The following ADNP2 variants were observed in gnomAD, a reference collection of about 807,000 sequenced individuals.
ADNP2 encodes ADNP homeobox 2, also known as activity-dependent neuroprotector homeobox protein 2.
A neutral mutation model predicts 16.4 loss-of-function variants in ADNP2; 8 were observed. The observed-to-expected ratio is 0.49, with a 90% CI of 0.29 to 0.88. The LOEUF (loss-of-function observed/expected upper bound fraction) is 0.88, where lower values mean the gene tolerates loss of function less well. ADNP2 is among the 40% of genes least tolerant of loss of function. The pLI, the probability that ADNP2 is intolerant of heterozygous loss-of-function variation, is 0.09. For missense variants in ADNP2, 1,397 were observed against 1,395.1 expected (o/e 1.00, Z -0.02); for synonymous variants, 637 against 545.8 (o/e 1.17, Z -2.33).
At chr18:80,116,628 G>A (rs866524111) in intron 1 of ADNP2, among the ~76,000 whole-genome samples, 26 of 151,960 alleles carry the variant, frequency 1.7e-4, no homozygotes, top group African/African-American at 6.3e-4. Context: ...GGCTAATGAT[G>A]TTGAGCATTT....
rs1190243028 is a variant in ADNP2, at chr18:80,136,503, C to T, written c.1090C>T (p.His364Tyr). The T allele has an allele frequency of 1.9e-6, 3 of 1,614,216 alleles. No individual in the cohort carries two copies. Among genetic ancestry groups the T allele is most frequent in the Non-Finnish European group, 2.5e-6 (3 of 1,180,038 alleles). ...CTTTCTTTCTCACGGGGTTCCACTT[C>T]ATCAGTCTGTGAATCCTCCTGTGTT... is the stretch of plus-strand genomic sequence containing the variant. ...PVFLSHGVPL[H>Y]QSVNPPVLPL... The change falls in exon 4 of 4, where the codon CAT (histidine) becomes TAT (tyrosine). Residue 364 changes from histidine (H) to tyrosine (Y), a missense_variant. His to Tyr is a moderately conservative substitution (Grantham distance 83). This residue lies in a region of ADNP2 where 777 missense variants were observed against 719.4 expected (regional missense o/e 1.08). Transcript: ENST00000262198.
chr18:80,124,305 C>T (rs1439565432), intron 2 of ADNP2, among the ~76,000 whole-genome samples: 2 of 152,206 alleles, frequency 1.3e-5, no homozygotes, highest in Non-Finnish European at 2.9e-5. Flanking sequence ...TTTATGGCAG[C>T]TCTAGCCCCA....
At chr18:80,132,252 T>C (rs1187965285) in intron 2 of ADNP2, among the ~76,000 whole-genome samples, 1 of 152,214 alleles carries the variant, frequency 6.6e-6, no homozygotes, top group Non-Finnish European at 1.5e-5. Context: ...GTCCTCTGTA[T>C]CCAGGGGTTC....
intron 1 of ADNP2, among the ~76,000 whole-genome samples, 155 bp from the exon 2 acceptor site, chr18:80,117,374 CA>C (rs1362476239): frequency 1.1e-4 from 16 of 152,280 alleles, no homozygotes; most frequent in African/African-American, 3.9e-4. Flanking sequence ...AGGAAGAGGT[CA>C]ACCTCATTCA....
At chr18:80,124,256 C>G (rs966448523) in intron 2 of ADNP2, among the ~76,000 whole-genome samples, 1 of 152,192 alleles carries the variant, frequency 6.6e-6, no homozygotes, top group East Asian at 1.9e-4. Flanking sequence ...ATCTGTCTCT[C>G]TCTCTGTCTC....
At chr18:80,135,479 G>C in intron 3 of ADNP2, 133 bp from the exon 4 acceptor site, 1 of 951,374 alleles carries the variant, frequency 1.1e-6, no homozygotes, top group East Asian at 2.6e-5. Context: ...GCCAACCCCT[G>C]GGTTAGAAAA....
At chr18:80,130,035 TTCCCAA>T (rs2052486158) in intron 2 of ADNP2, among the ~76,000 whole-genome samples, 1 of 152,238 alleles carries the variant, frequency 6.6e-6, no homozygotes, top group Non-Finnish European at 1.5e-5. Flanking sequence ...TAGTTAACCT[TTCCCAA>T]TGGTGATTCG....
chr18:80,129,230 T>C (rs963637989), intron 2 of ADNP2, among the ~76,000 whole-genome samples: 3 of 150,950 alleles, frequency 2.0e-5, no homozygotes, highest in African/African-American at 7.3e-5. Context: ...CAGCCTCCCA[T>C]GTAGCTGGGA....
chr18:80,134,038 C>T (rs1425217559), intron 3 of ADNP2, among the ~76,000 whole-genome samples: 2 of 151,938 alleles, frequency 1.3e-5, no homozygotes, highest in Non-Finnish European at 2.9e-5. Flanking sequence ...TTTGTTGAGA[C>T]CCATTTTTCA....
chr18:80,126,497 G>T (rs1177361940), intron 2 of ADNP2, among the ~76,000 whole-genome samples: 1 of 152,060 alleles, frequency 6.6e-6, no homozygotes, highest in African/African-American at 2.4e-5. Flanking sequence ...CTAAAAAAAA[G>T]TTGTCTTTTA....
rs2052340746 is a variant in ADNP2 at position 80,109,324 on chromosome 18, GGC to G, written c.-155_-154del. The G allele has an allele frequency of 6.6e-6, 1 of 150,862 alleles. No individual in the cohort carries two copies. Among genetic ancestry groups the G allele is most frequent in the Admixed American group, 6.6e-5 (1 of 15,128 alleles). 9.3% of individuals were successfully genotyped at this position (150,862 alleles called of 1,614,324 possible). On this transcript the variant is annotated 5_prime_UTR_variant, in exon 1 of 4. Transcript: ENST00000262198. Reference sequence around the variant, plus strand: ...GAGGGGACCAGTCGCGCTGGGGGTGGGCGCGCGCTGAGGCGGGGGTCCCGCCG... The same window carrying G: ...GAGGGGACCAGTCGCGCTGGGGGTGGGCGCGCTGAGGCGGGGGTCCCGCCG...
At chr18:80,127,519 C>A (rs1463727079) in intron 2 of ADNP2, among the ~76,000 whole-genome samples, 1 of 152,080 alleles carries the variant, frequency 6.6e-6, no homozygotes, top group Non-Finnish European at 1.5e-5. Context: ...ATCCATCTTT[C>A]ACTTTCTTTC....
chr18:80,120,782 G>T (rs2052419532), intron 2 of ADNP2, among the ~76,000 whole-genome samples: 1 of 152,126 alleles, frequency 6.6e-6, no homozygotes, highest in African/African-American at 2.4e-5. Context: ...CGCCTCATGA[G>T]TAGCTGGGAT....
In ADNP2 at chr18:80,138,992, C is replaced by A. The variant is rs1327283955; in HGVS notation, c.*183C>A. The A allele has an allele frequency of 4.2e-6, 2 of 474,086 alleles. No individual in the cohort carries two copies. The highest frequency in any genetic ancestry group is 7.1e-6 in the Non-Finnish European group (2 of 281,444). The allele number at this position is 474,086 out of a possible 1,614,324, so 29.4% of individuals were successfully genotyped here. A position where few individuals can be genotyped will look rare whatever the true frequency, so the allele number is the denominator to read the frequency against. ...CAGGAAGCCAGTAGTTATTTCACAT[C>A]TATTGTTTCCTGCAGTTTGATTTGT... On this transcript the variant is annotated 3_prime_UTR_variant, in exon 4 of 4. Transcript: ENST00000262198.
At position 80,133,178 on chromosome 18, in the gene ADNP2, T is replaced by C. The variant is rs1346009438; in HGVS notation, c.184T>C (p.Ser62Pro). ...SWGDVSLWEP[S>P]GKKVRYRTKP... ...GGGTGATGTTTCTCTCTGGGAACCT[T>C]CTGGAAAGAAAGTGGTATGTATTTT... Residue 62 changes from serine (S) to proline (P), a missense_variant, in exon 3 of 4, where the codon TCT becomes CCT. By Grantham distance (74) the Ser-to-Pro change is moderately conservative. Coordinates refer to ENST00000262198, the MANE Select transcript of ADNP2 (RefSeq NM_014913.4). 11 of 1,613,076 alleles carry C rather than the reference T, an allele frequency of 6.8e-6. No homozygotes were observed. Among genetic ancestry groups the C allele is most frequent in the Non-Finnish European group, 9.3e-6 (11 of 1,179,182 alleles).
intron 2 of ADNP2, among the ~76,000 whole-genome samples, chr18:80,126,837 C>T (rs768491882): frequency 6.6e-6 from 1 of 152,152 alleles, no homozygotes; most frequent in Admixed American, 6.6e-5. Flanking sequence ...CACAGTAGTT[C>T]CCCCGTATCC....
chr18:80,136,181 G>A lies in ADNP2; in HGVS notation c.768G>A (p.Lys256=), dbSNP rs1568415261. ...KLRSVISEHI[K]RTGLLKQTHI... is the part of the protein sequence containing the mutation. Reference sequence around the variant, plus strand: ...GATCTGTGATTTCAGAACATATTAAGAGGACTGGACTCTTGAAGCAAACGC... The same window carrying A: ...GATCTGTGATTTCAGAACATATTAAAAGGACTGGACTCTTGAAGCAAACGC... The change falls in exon 4 of 4, where the codon AAG becomes AAA. Residue 256 remains lysine (K), a synonymous_variant. Coordinates refer to ENST00000262198, the MANE Select transcript of ADNP2 (RefSeq NM_014913.4). 6.2e-7 allele frequency: 1 copy of A among 1,614,254 alleles called. No homozygotes were observed.
intron 3 of ADNP2, 76 bp downstream of exon 3, chr18:80,133,268 C>T: frequency 8.4e-7 from 1 of 1,184,276 alleles, no homozygotes; most frequent in Non-Finnish European, 1.3e-6. Context: ...TAAAGAACAT[C>T]ACATGTATTG....
chr18:80,114,897 CTG>C (rs2052379704), intron 1 of ADNP2, among the ~76,000 whole-genome samples: 1 of 152,140 alleles, frequency 6.6e-6, no homozygotes, highest in African/African-American at 2.4e-5. Flanking sequence ...CCTGGTGTCT[CTG>C]TGGGCTAGTT....
Sources: gnomAD v4.1 joint callset for allele counts (sites outside exome capture counted in the v4.1 genomes callset) on GRCh38, gnomAD v4.1.1 for gene constraint, gnomAD v4.1.1 regional missense constraint, MANE v1.5 for transcripts, NCBI Gene and HGNC (gene_info 2026-07-23, HGNC 2026-07-21) for gene names.